ATF2: variants seen among roughly 807,000 people sequenced by gnomAD.
The protein encoded by ATF2 is activating transcription factor 2.
In ATF2, 24 loss-of-function variants were observed where a neutral mutation model predicts 60.6. The ratio of observed to expected loss-of-function variants is 0.40; its 90% confidence interval spans 0.29 to 0.56. The LOEUF (loss-of-function observed/expected upper bound fraction) is 0.56, where lower values mean the gene tolerates loss of function less well. Ranked by LOEUF, ATF2 falls within the 20% of genes least tolerant of loss-of-function variation. The probability of loss-of-function intolerance (pLI) is 0.54; values close to 1 mark genes in which losing one functional copy is unlikely to be tolerated. For missense variants in ATF2, 433 were observed against 607.7 expected (o/e 0.71, Z 3.02); for synonymous variants, 206 against 215.4 (o/e 0.96, Z 0.38).
Position 175,097,475 on chromosome 2 carries a change from T to C in ATF2, c.947A>G (p.Gln316Arg), listed in dbSNP as rs1695010186. The C allele has an allele frequency of 6.2e-7, 1 of 1,614,028 alleles. No individual in the cohort carries two copies. The highest frequency in any genetic ancestry group is 1.7e-5 in the Admixed American group (1 of 59,998). ...QSEESRPQSL[Q>R]QPATSTTETP... is the part of the protein sequence containing the mutation. The stretch of plus-strand genomic sequence containing the variant: ...TTCTGTAGTGGATGTGGCTGGCTGT[T>C]GTAATGACTGCGGTCGAGATTCCTC... Residue 316 changes from glutamine to arginine, a missense_variant, in exon 11 of 14, where the codon CAA (glutamine) becomes CGA (arginine). Around this residue, in one of 5 missense-constraint regions of ATF2, gnomAD observed 246 missense variants for 309.3 expected, o/e 0.80. Transcript: ENST00000264110.
chr2:175,161,196 T>C (rs564665758), intron 1 of ATF2, among the ~76,000 whole-genome samples: 1 of 152,308 alleles, frequency 6.6e-6, no homozygotes, highest in East Asian at 1.9e-4. Context: ...CAAATGAATT[T>C]ACGAAAATTC....
At chr2:175,157,072 C>T (rs1559125045) in intron 1 of ATF2, among the ~76,000 whole-genome samples, 2 of 152,130 alleles carry the variant, frequency 1.3e-5, no homozygotes, top group East Asian at 1.9e-4. Flanking sequence ...ATACAATTTC[C>T]AGCAATGTCC....
chr2:175,090,070 T>C (rs1694441376), intron 12 of ATF2, among the ~76,000 whole-genome samples: 1 of 152,170 alleles, frequency 6.6e-6, no homozygotes, highest in African/African-American at 2.4e-5. Context: ...CAGTTTAAAC[T>C]GGCATTTAGT....
At chr2:175,148,251 T>A (rs1699084106) in intron 2 of ATF2, among the ~76,000 whole-genome samples, 1 of 152,050 alleles carries the variant, frequency 6.6e-6, no homozygotes, top group Non-Finnish European at 1.5e-5. Context: ...TTTATCTGAT[T>A]GAGTTTCCAT....
intron 1 of ATF2, among the ~76,000 whole-genome samples, chr2:175,162,675 G>GA (rs1700097174): frequency 6.6e-6 from 1 of 151,936 alleles, no homozygotes; most frequent in East Asian, 1.9e-4. Flanking sequence ...ATACAACATG[G>GA]AAAAATACAA....
chr2:175,098,461 G>A (rs550271788), intron 10 of ATF2, among the ~76,000 whole-genome samples: 2 of 152,264 alleles, frequency 1.3e-5, no homozygotes, highest in Admixed American at 1.3e-4. Flanking sequence ...TCAGAGTTAT[G>A]TATATTACAC....
intron 1 of ATF2, among the ~76,000 whole-genome samples, chr2:175,157,429 C>A (rs1699754595): frequency 6.6e-6 from 1 of 152,144 alleles, no homozygotes; most frequent in Non-Finnish European, 1.5e-5. Flanking sequence ...GGGCAAGAAG[C>A]AAACGTCTGG....
intron 4 of ATF2, among the ~76,000 whole-genome samples, chr2:175,124,652 T>G (rs2105728646): frequency 6.6e-6 from 1 of 151,930 alleles, no homozygotes; most frequent in Non-Finnish European, 1.5e-5. Flanking sequence ...CACTGATATA[T>G]TCACTGTCTC....
chr2:175,153,226 T>A (rs1699428105), intron 1 of ATF2, among the ~76,000 whole-genome samples: 1 of 152,192 alleles, frequency 6.6e-6, no homozygotes, highest in Non-Finnish European at 1.5e-5. Context: ...TTTTTGTAAC[T>A]TGAAAGGCAC....
intron 10 of ATF2, among the ~76,000 whole-genome samples, chr2:175,107,979 C>T (rs1695812011): frequency 6.6e-6 from 1 of 152,188 alleles, no homozygotes; most frequent in Non-Finnish European, 1.5e-5. Context: ...ACCCTCTGCC[C>T]AGCCGCCACC....
Position 175,074,646 on chromosome 2 carries a change from A to T in ATF2, c.1481T>A (p.Met494Lys), listed in dbSNP as rs774384167. ...STEPALSQIV[M>K]APSSQSQPSG... is the part of the protein sequence containing the mutation. ...GGGCTGTGACTGGGAGGAAGGAGCC[A>T]TAACGATCTGTGAAAGAGCAGGCTC... is the stretch of plus-strand genomic sequence containing the variant. Residue 494 changes from methionine to lysine, a missense_variant, in exon 14 of 14, where the codon ATG becomes AAG. Around this residue, in one of 5 missense-constraint regions of ATF2, gnomAD observed 114 missense variants for 104.0 expected, o/e 1.10. Transcript: ENST00000264110. 1 of 1,613,238 alleles carries T rather than the reference A, an allele frequency of 6.2e-7. No homozygotes were observed. Among genetic ancestry groups the T allele is most frequent in the East Asian group, 2.2e-5 (1 of 44,814 alleles).
intron 4 of ATF2, among the ~76,000 whole-genome samples, chr2:175,126,392 C>CA (rs1315508564): frequency 6.6e-6 from 1 of 151,776 alleles, no homozygotes; most frequent in African/African-American, 2.4e-5. Context: ...ATGGATAAGA[C>CA]AAAATGTAAG....
intron 5 of ATF2, among the ~76,000 whole-genome samples, chr2:175,120,974 G>T (rs1696919192): frequency 6.6e-6 from 1 of 151,164 alleles, no homozygotes; most frequent in African/African-American, 2.4e-5. Flanking sequence ...TCCTTACTGA[G>T]AATATTTTAC....
chr2:175,133,316 AAAG>A (rs1244087468), intron 3 of ATF2, among the ~76,000 whole-genome samples: 27 of 152,146 alleles, frequency 1.8e-4, no homozygotes, highest in Admixed American at 7.2e-4. Flanking sequence ...AAGAAATGGA[AAAG>A]AAGGAGTACA....
At chr2:175,126,719 A>G (rs1697362632) in intron 4 of ATF2, 1 of 152,184 alleles carries the variant, frequency 6.6e-6, no homozygotes, top group South Asian at 2.1e-4. Flanking sequence ...AACTATTTTA[A>G]GCAGAAGAGA....
intron 12 of ATF2, among the ~76,000 whole-genome samples, chr2:175,084,668 A>C (rs1016919560): frequency 1.3e-5 from 2 of 152,118 alleles, no homozygotes; most frequent in African/African-American, 2.4e-5. Flanking sequence ...TTAAAAAAAA[A>C]AAGAATGCAT....
chr2:175,130,940 G>A (rs554554600), intron 3 of ATF2, among the ~76,000 whole-genome samples: 2 of 152,084 alleles, frequency 1.3e-5, no homozygotes, highest in Admixed American at 6.6e-5. Flanking sequence ...TAAAAGTCTT[G>A]TCAATATTTT....
intron 1 of ATF2, among the ~76,000 whole-genome samples, chr2:175,164,194 T>C (rs2105377013): frequency 6.7e-6 from 1 of 149,426 alleles, no homozygotes; most frequent in South Asian, 2.1e-4. Flanking sequence ...TATTTATTTA[T>C]ATTTATATAA....
At chr2:175,136,391 T>C (rs754829475) in intron 3 of ATF2, 21 bp downstream of exon 3, 1 of 1,606,866 alleles carries the variant, frequency 6.2e-7, no homozygotes, top group South Asian at 1.1e-5. Context: ...TGGCTAAAAA[T>C]ACCAAATATT....
Sources: allele counts gnomAD v4.1 joint callset (sites outside exome capture counted in the v4.1 genomes callset), GRCh38; gene constraint gnomAD v4.1.1; regional missense constraint gnomAD v4.1.1; transcripts MANE v1.5; gene names NCBI Gene and HGNC (gene_info 2026-07-23, HGNC 2026-07-21).